Variants in ANXA7 observed in about 807,000 individuals in gnomAD.
ANXA7 encodes the protein annexin A7.
In ANXA7, 55 loss-of-function variants were observed where a neutral mutation model predicts 64.9. That is an observed-to-expected ratio of 0.85 (90% CI 0.68 to 1.06). ANXA7 has a LOEUF of 1.06. Among genes scored for constraint, ANXA7 ranks in the 50% least tolerant of loss-of-function variants. The pLI is 0.00. For synonymous variants in ANXA7, 200 were observed against 192.4 expected, an observed-to-expected ratio of 1.04 and a Z score of -0.33; for missense variants, 548 against 582.1, an observed-to-expected ratio of 0.94 and a Z score of 0.60.
chr10:73,376,182 C>G lies in ANXA7; in HGVS notation c.1314G>C (p.Gln438His). Residue 438 changes from glutamine to histidine, a missense_variant, in exon 13 of 13, where the codon CAG becomes CAC. Physicochemically the swap from Gln to His is conservative, Grantham distance 24. Transcript: ENST00000372921. The part of the protein sequence containing the change: ...DLVQIKQMFA[Q>H]MYQKTLGTMI... ...TTGTGCCCAGAGTCTTCTGATACAT[C>G]TGAGCGAACATCTGTTTTATTTGTA... The G allele has an allele frequency of 1.2e-6, 2 of 1,600,624 alleles. No individual in the cohort carries two copies. The highest frequency in any genetic ancestry group is 1.7e-6 in the Non-Finnish European group (2 of 1,174,034).
chr10:73,408,322 A>G (rs1044606764), intron 1 of ANXA7: 3 of 152,058 alleles, frequency 2.0e-5, no homozygotes, highest in African/African-American at 7.2e-5. Flanking sequence ...AGACAAGGAA[A>G]AAGAAAAAAA....
intron 1 of ANXA7, among the ~76,000 whole-genome samples, chr10:73,403,199 C>T (rs181933439): frequency 2.0e-5 from 3 of 152,264 alleles, no homozygotes; most frequent in African/African-American, 7.2e-5. Flanking sequence ...TTAAAAACAA[C>T]AACATAGGCC....
intron 3 of ANXA7, 28 bp downstream of exon 3, chr10:73,398,153 A>G (rs780345102): frequency 9.4e-6 from 15 of 1,591,584 alleles, no homozygotes; most frequent in Admixed American, 3.4e-5. Flanking sequence ...AATCCCAATC[A>G]TTACTAATTC....
rs2132681444 is a variant in ANXA7, at chr10:73,396,541, C to T, written c.413G>A (p.Gly138Glu). The change falls in exon 5 of 13, where the codon GGA (glycine) becomes GAA (glutamate). Residue 138 changes from glycine to glutamate, a missense_variant. Gly to Glu is a moderately conservative substitution (Grantham distance 98). Coordinates refer to ENST00000372921, the MANE Select transcript of ANXA7 (RefSeq NM_001156.5). ...GGQMPSQYPG[G>E]QPTYPSQPAT... The stretch of plus-strand genomic sequence containing the variant: ...TACCTGACTAGGGTAAGTAGGTTGT[C>T]CTCCAGGATACTGAGAAGGCATCTG... 2 of 1,610,910 alleles carry T rather than the reference C, an allele frequency of 1.2e-6. No homozygotes were observed. The highest frequency in any genetic ancestry group is 1.7e-6 in the Non-Finnish European group (2 of 1,178,550).
chr10:73,401,263 AACACAC>A (rs5786109), intron 1 of ANXA7, among the ~76,000 whole-genome samples: 2 of 148,024 alleles, frequency 1.4e-5, no homozygotes, highest in East Asian at 2.0e-4. Flanking sequence ...ACACATACAC[AACACAC>A]ACACACACAC....
chr10:73,395,590 C>T (rs760528598), intron 5 of ANXA7, among the ~76,000 whole-genome samples: 2 of 152,042 alleles, frequency 1.3e-5, no homozygotes, highest in African/African-American at 2.4e-5. Flanking sequence ...TCGAGACCAG[C>T]CTGGCCAACA....
chr10:73,398,264 C>T lies in ANXA7; in HGVS notation c.176G>A (p.Gly59Asp). The change falls in exon 3 of 13, where the codon GGC becomes GAC. Residue 59 changes from glycine (G) to aspartate (D), a missense_variant. Physicochemically the swap from Gly to Asp is moderately conservative, Grantham distance 94 (BLOSUM62 -1). Transcript: ENST00000372921. Reference sequence around the variant, plus strand: ...TGGATAACCTCCAGGCGCAGGGTAGCCTCCAGCTCCTGGGTAGCCACTACT... The same window carrying T: ...TGGATAACCTCCAGGCGCAGGGTAGTCTCCAGCTCCTGGGTAGCCACTACT... ...VPSSGYPGAGGYPAPGGYPAP... is the reference protein window; with the variant it reads ...VPSSGYPGAGDYPAPGGYPAP... 1 of 1,614,052 alleles carries T rather than the reference C, an allele frequency of 6.2e-7. No homozygotes were observed. Among genetic ancestry groups the T allele is most frequent in the Non-Finnish European group, 8.5e-7 (1 of 1,180,008 alleles).
At chr10:73,380,696 C>T (rs1032015521) in intron 9 of ANXA7, among the ~76,000 whole-genome samples, 13 of 152,144 alleles carry the variant, frequency 8.5e-5, no homozygotes, top group East Asian at 1.9e-4. Flanking sequence ...TATAAGATCA[C>T]GGTTTAATGA....
intron 12 of ANXA7, among the ~76,000 whole-genome samples, chr10:73,376,882 C>T (rs145198570): frequency 2.9e-3 from 443 of 152,154 alleles, no homozygotes; most frequent in African/African-American, 9.5e-3. Flanking sequence ...ACCTTGAGGA[C>T]GCTATGCTAA....
chr10:73,379,045 G>A (rs774934826), intron 11 of ANXA7, 22 bp from the exon 12 acceptor site: 1 of 1,535,820 alleles, frequency 6.5e-7, no homozygotes, highest in Non-Finnish European at 8.9e-7. Context: ...AGATGGTTGA[G>A]ACATGGAATC....
intron 1 of ANXA7, among the ~76,000 whole-genome samples, chr10:73,406,903 C>T (rs1449717761): frequency 6.6e-6 from 1 of 151,994 alleles, no homozygotes; most frequent in Non-Finnish European, 1.5e-5. Context: ...TTCTTACCAA[C>T]ACCTAACCCT....
At chr10:73,408,374 G>C (rs1301213248) in intron 1 of ANXA7, 1 of 151,084 alleles carries the variant, frequency 6.6e-6, no homozygotes, top group Non-Finnish European at 1.5e-5. Flanking sequence ...AGGGCAAAAG[G>C]GTCAGGGTCA....
chr10:73,396,442 A>G, intron 5 of ANXA7, 77 bp downstream of exon 5: 1 of 1,089,830 alleles, frequency 9.2e-7, no homozygotes, highest in South Asian at 1.4e-5. Flanking sequence ...CCTCCGACCC[A>G]TGGAAACCTC....
intron 1 of ANXA7, among the ~76,000 whole-genome samples, chr10:73,410,388 T>G (rs530336836): frequency 7.2e-5 from 11 of 151,842 alleles, no homozygotes; most frequent in African/African-American, 2.7e-4. Context: ...CCAAAAAACA[T>G]GAAATAATCA....
At chr10:73,399,703 C>T (rs747250711) in intron 2 of ANXA7, among the ~76,000 whole-genome samples, 1 of 152,104 alleles carries the variant, frequency 6.6e-6, no homozygotes, top group Non-Finnish European at 1.5e-5. Flanking sequence ...TACCTGTAAT[C>T]CCAGCTACTC....
intron 12 of ANXA7, 69 bp from the exon 13 acceptor site, chr10:73,376,286 A>G: frequency 1.4e-6 from 2 of 1,412,618 alleles, no homozygotes; most frequent in Non-Finnish European, 1.9e-6. Flanking sequence ...AATTCTTTTT[A>G]AATAATAAGA....
At chr10:73,396,015 A>T in intron 5 of ANXA7, 1 of 1,393,098 alleles carries the variant, frequency 7.2e-7, no homozygotes, top group African/African-American at 1.4e-5. Context: ...GGACCTAGTG[A>T]TTAGTAAACA....
intron 7 of ANXA7, among the ~76,000 whole-genome samples, chr10:73,384,146 T>C (rs1380807033): frequency 6.6e-6 from 1 of 151,220 alleles, no homozygotes; most frequent in East Asian, 1.9e-4. Context: ...TAAATAGAAA[T>C]AAAAAAGAAG....
intron 2 of ANXA7, among the ~76,000 whole-genome samples, chr10:73,399,436 CT>C (rs2055624690): frequency 1.3e-5 from 2 of 152,306 alleles, no homozygotes; most frequent in Admixed American, 6.5e-5. Flanking sequence ...TATATAATCA[CT>C]TTGCATAAGG....
Sources: gnomAD v4.1 joint callset for allele counts (sites outside exome capture counted in the v4.1 genomes callset) on GRCh38, gnomAD v4.1.1 for gene constraint, MANE v1.5 for transcripts, NCBI Gene and HGNC (gene_info 2026-07-23, HGNC 2026-07-21) for gene names.